SETD5: variants seen among roughly 807,000 people sequenced by gnomAD.
The protein encoded by SETD5 is SET domain containing 5.
A neutral mutation model predicts 153.3 loss-of-function variants in SETD5; 44 were observed. That is an observed-to-expected ratio of 0.29 (90% CI 0.23 to 0.37). The LOEUF (loss-of-function observed/expected upper bound fraction) is 0.37, where lower values mean the gene tolerates loss of function less well. Among genes scored for constraint, SETD5 ranks in the 10% least tolerant of loss-of-function variants. The probability of loss-of-function intolerance (pLI) is 1.00; values close to 1 mark genes in which losing one functional copy is unlikely to be tolerated. For synonymous variants in SETD5, 716 were observed against 645.2 expected, an observed-to-expected ratio of 1.11 and a Z score of -1.66; for missense variants, 1,544 against 1,768.0, an observed-to-expected ratio of 0.87 and a Z score of 2.27.
Position 9,470,842 on chromosome 3 carries a change from C to T in SETD5, c.3108C>T (p.Asp1036=), listed in dbSNP as rs764122703. 6.2e-7 allele frequency: 1 copy of T among 1,612,342 alleles called. No homozygotes were observed. The highest frequency in any genetic ancestry group is 8.5e-7 in the Non-Finnish European group (1 of 1,179,184). The part of the protein sequence containing the change: ...SSRYEHGLMK[D]LSRGSLSPGG... ...GATATGAACATGGCTTAATGAAAGA[C>T]CTCTCTCGTGGATCCTTGTCACCTG... The change falls in exon 19 of 23, where the codon GAC becomes GAT. Residue 1036 remains aspartate, a synonymous_variant. Coordinates refer to ENST00000402198, the MANE Select transcript of SETD5 (RefSeq NM_001080517.3).
At chr3:9,417,273 A>G (rs550221432) in intron 1 of SETD5, among the ~76,000 whole-genome samples, 1 of 152,234 alleles carries the variant, frequency 6.6e-6, no homozygotes, top group Admixed American at 6.5e-5. Flanking sequence ...GGTTTGCTAA[A>G]AGTCTCCAAA....
At chr3:9,419,073 C>G (rs144978150) in intron 1 of SETD5, among the ~76,000 whole-genome samples, 1 of 151,964 alleles carries the variant, frequency 6.6e-6, no homozygotes, top group African/African-American at 2.4e-5. Flanking sequence ...GTGATCCACC[C>G]GCCTTGGCCT....
chr3:9,413,238 T>C (rs531611099), intron 1 of SETD5, among the ~76,000 whole-genome samples: 38 of 152,276 alleles, frequency 2.5e-4, no homozygotes, highest in Non-Finnish European at 4.9e-4. Context: ...AATGAGTTTA[T>C]ACTAAGAGGG....
Position 9,415,965 on chromosome 3 carries a change from C to T in SETD5, c.-176-8502C>T, listed in dbSNP as rs578060282. ...TCTCAGTTCACTGCAAGCCACCCAC[C>T]GAGCTCAAGCCATCCTCCCACCTCA... On this transcript the variant is annotated intron_variant, in intron 1 of 22. Coordinates refer to ENST00000402198, the MANE Select transcript of SETD5 (RefSeq NM_001080517.3). Among the ~76,000 whole-genome samples the T allele has an allele frequency of 3.9e-5, 6 of 152,048 alleles. No homozygotes were observed. The East Asian group carries it at 5.8e-4, about 15-fold the overall frequency.
At position 9,453,810 on chromosome 3, in the gene SETD5, G is replaced by A; in HGVS notation, c.2418G>A (p.Gln806=). The change falls in exon 17 of 23, where the codon CAG becomes CAA. Residue 806 remains glutamine, a synonymous_variant. Coordinates refer to ENST00000402198, the MANE Select transcript of SETD5 (RefSeq NM_001080517.3). ...TSSVPQETRT[Q]HLYQSNENSS... ...CTGTACCCCAAGAGACTAGAACTCA[G>A]CACCTATACCAAAGCAATGAGAATA... 1 of 1,608,896 alleles carries A rather than the reference G, an allele frequency of 6.2e-7. No homozygotes were observed. Among genetic ancestry groups the A allele is most frequent in the Non-Finnish European group, 8.5e-7 (1 of 1,178,500 alleles).
Position 9,435,894 on chromosome 3 carries a change from G to A in SETD5, c.555G>A (p.Thr185=), listed in dbSNP as rs1175202545. ...SPEKGRAAPK[T]KKIKNSPSEA... ...AAAAGGGTCGTGCAGCACCAAAGAC[G>A]AAGAAAATCAAGGTATGCAGGGTAA... The change falls in exon 7 of 23, where the codon ACG becomes ACA. Residue 185 remains threonine (T), a synonymous_variant. Coordinates refer to ENST00000402198, the MANE Select transcript of SETD5 (RefSeq NM_001080517.3). 24 of 1,583,292 alleles carry A rather than the reference G, an allele frequency of 1.5e-5. No individual in the cohort carries two copies. The highest frequency in any genetic ancestry group is 6.9e-5 in the East Asian group (3 of 43,540).
Position 9,473,204 on chromosome 3 carries a change from C to T in SETD5, c.3196-32C>T, listed in dbSNP as rs529898491. ...CACTAATGATATCCAGATAGAGTAC[C>T]GTTTTTTGTTTGTTTGTTTTTTCCT... On this transcript the variant is annotated intron_variant, in intron 19 of 22. Transcript: ENST00000402198. 6.3e-6 allele frequency: 10 copies of T among 1,596,922 alleles called. No individual in the cohort carries two copies. The East Asian group carries it at 9.0e-5, about 14-fold the overall frequency.
At chr3:9,402,165 A>G (rs1324883457) in intron 1 of SETD5, among the ~76,000 whole-genome samples, 1 of 152,176 alleles carries the variant, frequency 6.6e-6, no homozygotes, top group Non-Finnish European at 1.5e-5. Context: ...GTTTTATTGT[A>G]TCTTTAATTA....
At position 9,433,732 on chromosome 3, in the gene SETD5, T is replaced by A. The variant is rs981123970; in HGVS notation, c.72-113T>A. On this transcript the variant is annotated intron_variant, in intron 3 of 22. Transcript: ENST00000402198. ...TTGTTTCACCGAGTTCTTTCTCTTA[T>A]CCTAGTGGCTAGTGGTTGTGGAAAG... 40 of 1,106,720 alleles carry A rather than the reference T, an allele frequency of 3.6e-5. No homozygotes were observed. In the East Asian group the frequency reaches 4.9e-4, roughly 14 times the overall value. The allele number at this position is 1,106,720 out of a possible 1,614,324, so 68.6% of individuals were successfully genotyped here.
intron 1 of SETD5, among the ~76,000 whole-genome samples, chr3:9,409,412 C>A (rs914098221): frequency 1.3e-5 from 2 of 152,120 alleles, no homozygotes; most frequent in Non-Finnish European, 2.9e-5. Flanking sequence ...TTATTGTGTA[C>A]TCATGGTTTT....
intron 6 of SETD5, among the ~76,000 whole-genome samples, chr3:9,435,510 A>G (rs1397881496): frequency 1.1e-4 from 17 of 152,228 alleles, no homozygotes; most frequent in Admixed American, 1.1e-3. Flanking sequence ...AAGGGGAGAA[A>G]TAAATACCAT....
chr3:9,413,553 G>A (rs2036919404), intron 1 of SETD5, among the ~76,000 whole-genome samples: 1 of 151,802 alleles, frequency 6.6e-6, no homozygotes, highest in South Asian at 2.1e-4. Context: ...TTCTGGATCT[G>A]GAACACGGAT....
chr3:9,418,361 C>A (rs1403317884), intron 1 of SETD5, among the ~76,000 whole-genome samples: 1 of 152,080 alleles, frequency 6.6e-6, no homozygotes, highest in African/African-American at 2.4e-5. Context: ...AAATTTAGAG[C>A]TTAGTGCGGT....
At chr3:9,474,775 C>G (rs1490808682) in intron 21 of SETD5, 193 bp downstream of exon 21, 3 of 750,202 alleles carry the variant, frequency 4.0e-6, no homozygotes, top group East Asian at 2.7e-5. Flanking sequence ...TGCTCTCTGT[C>G]TGCTCTTTTT....
chr3:9,453,663 T>C, intron 16 of SETD5, 76 bp from the exon 17 acceptor site: 1 of 1,380,506 alleles, frequency 7.2e-7, no homozygotes, highest in South Asian at 1.5e-5. Flanking sequence ...ACTCACCAGT[T>C]GATGTACATT....
At chr3:9,473,639 G>A in intron 20 of SETD5, 102 bp downstream of exon 20, 2 of 1,221,880 alleles carry the variant, frequency 1.6e-6, no homozygotes, top group South Asian at 1.5e-5. Flanking sequence ...AACACTTGAT[G>A]GGAACATCTG....
intron 1 of SETD5, among the ~76,000 whole-genome samples, chr3:9,423,779 T>G (rs908451076): frequency 1.3e-5 from 2 of 152,240 alleles, no homozygotes; most frequent in African/African-American, 4.8e-5. Context: ...TGTTAATCTT[T>G]AAGGTGTTAA....
intron 9 of SETD5, 122 bp downstream of exon 9, chr3:9,441,863 T>C: frequency 8.4e-7 from 1 of 1,186,910 alleles, no homozygotes. Flanking sequence ...TCAGATAAGC[T>C]CACACCTGTC....
At chr3:9,446,771 G>A (rs139706971) in intron 13 of SETD5, among the ~76,000 whole-genome samples, 12 of 152,102 alleles carry the variant, frequency 7.9e-5, no homozygotes, top group Non-Finnish European at 1.5e-4. Flanking sequence ...GATTACAGGC[G>A]TGAGCCACTG....
Sources: allele counts gnomAD v4.1 joint callset (sites outside exome capture counted in the v4.1 genomes callset), GRCh38; gene constraint gnomAD v4.1.1; transcripts MANE v1.5; gene names NCBI Gene and HGNC (gene_info 2026-07-23, HGNC 2026-07-21).